Variants in DNAAF11 observed in about 807,000 individuals in gnomAD.
DNAAF11 encodes the protein dynein axonemal assembly factor 11.
DNAAF11 carries 45 observed loss-of-function variants against 60.8 expected under a neutral mutation model. That is an observed-to-expected ratio of 0.74 (90% CI 0.58 to 0.95). DNAAF11 has a LOEUF of 0.95. DNAAF11 is among the 40% of genes least tolerant of loss of function. The pLI is 0.00. For synonymous variants in DNAAF11, 191 were observed against 183.5 expected (o/e 1.04, Z -0.33); for missense variants, 546 against 546.2 (o/e 1.00, Z 0.00).
At position 132,661,578 on chromosome 8, in the gene DNAAF11, A is replaced by C. The variant is rs1824137924; in HGVS notation, c.60T>G (p.Ile20Met). 1 of 1,614,126 alleles carries C rather than the reference A, an allele frequency of 6.2e-7. No homozygotes were observed. Among genetic ancestry groups the C allele is most frequent in the Non-Finnish European group, 8.5e-7 (1 of 1,180,002 alleles). The change falls in exon 2 of 12, where the codon ATT becomes ATG. Residue 20 changes from isoleucine to methionine, a missense_variant. Coordinates refer to ENST00000620350, the MANE Select transcript of DNAAF11 (RefSeq NM_012472.6). ...GCAACGAGAGTTCCTCCAGGGAAAA[A>C]ATGACACAGTCGTTGTGTTCAGCAT... is the stretch of plus-strand genomic sequence containing the variant. ...RRNAEHNDCV[I>M]FSLEELSLHQ...
At chr8:132,590,187 G>T (rs1816317038) in intron 10 of DNAAF11, among the ~76,000 whole-genome samples, 1 of 152,160 alleles carries the variant, frequency 6.6e-6, no homozygotes, top group African/African-American at 2.4e-5. Flanking sequence ...TTCCACCTGG[G>T]CCTGGCCAAT....
chr8:132,625,521 CCTTT>C, intron 5 of DNAAF11, 67 bp from the exon 6 acceptor site: 1 of 1,145,228 alleles, frequency 8.7e-7, no homozygotes, highest in Non-Finnish European at 1.2e-6. Flanking sequence ...TAATGCTGGC[CCTTT>C]AATATCTATA....
intron 10 of DNAAF11, among the ~76,000 whole-genome samples, chr8:132,603,192 G>A (rs1483716208): frequency 6.6e-6 from 1 of 152,144 alleles, no homozygotes; most frequent in Non-Finnish European, 1.5e-5. Flanking sequence ...ATCTTCTTAA[G>A]TTCTCAGTGT....
chr8:132,588,603 T>C (rs931551256), intron 10 of DNAAF11, among the ~76,000 whole-genome samples: 4 of 152,172 alleles, frequency 2.6e-5, no homozygotes, highest in African/African-American at 9.7e-5. Flanking sequence ...TTGCTAGATA[T>C]ATGCATAGAC....
intron 3 of DNAAF11, among the ~76,000 whole-genome samples, chr8:132,651,386 T>C (rs976975436): frequency 2.6e-5 from 4 of 152,090 alleles, no homozygotes; most frequent in African/African-American, 9.7e-5. Context: ...TACCCCCATC[T>C]TCCTCCTCTG....
chr8:132,603,848 C>A (rs1413874994), intron 10 of DNAAF11, among the ~76,000 whole-genome samples: 1 of 152,060 alleles, frequency 6.6e-6, no homozygotes, highest in Non-Finnish European at 1.5e-5. Flanking sequence ...GAGCAGAGAA[C>A]TGCCAAAGGC....
chr8:132,654,698 C>CAAAA (rs34749688), intron 3 of DNAAF11, among the ~76,000 whole-genome samples: 6 of 133,990 alleles, frequency 4.5e-5, no homozygotes, highest in Admixed American at 1.5e-4. Flanking sequence ...AAAAAAATTG[C>CAAAA]AAAAAAAAAA....
chr8:132,652,517 A>G (rs570108808), intron 3 of DNAAF11, among the ~76,000 whole-genome samples: 45 of 152,196 alleles, frequency 3.0e-4, no homozygotes, highest in Non-Finnish European at 6.3e-4. Context: ...ATAAGAATAC[A>G]CACCACAGGA....
At chr8:132,626,340 C>G (rs1198835542) in intron 5 of DNAAF11, among the ~76,000 whole-genome samples, 3 of 152,136 alleles carry the variant, frequency 2.0e-5, no homozygotes, top group Admixed American at 6.5e-5. Context: ...CATGAGCCAC[C>G]GCACCCAGCC....
At position 132,583,871 on chromosome 8, in the gene DNAAF11, A is replaced by C. The variant is rs573574988; in HGVS notation, c.1141-92T>G. 4.6e-6 allele frequency: 4 copies of C among 869,386 alleles called. No individual in the cohort carries two copies. The South Asian group carries it at 5.9e-5, about 13-fold the overall frequency. 53.9% of individuals were successfully genotyped at this position (869,386 alleles called of 1,614,324 possible). On this transcript the variant is annotated intron_variant, in intron 10 of 11. Transcript: ENST00000620350. Reference sequence around the variant, plus strand: ...TATATGTATTTTAAAAGATACTAAAACATTTTAATTTTTTCTCTACATATT... The same window carrying C: ...TATATGTATTTTAAAAGATACTAAACCATTTTAATTTTTTCTCTACATATT...
chr8:132,699,931 C>T, the DNAAF11 span, among the ~76,000 whole-genome samples: 1 of 152,168 alleles, frequency 6.6e-6, no homozygotes, highest in African/African-American at 2.4e-5. Context: ...TGCCAGGGGC[C>T]AGGGAAGGGC....
upstream of DNAAF11, among the ~76,000 whole-genome samples, chr8:132,679,002 C>G (rs922493628): frequency 6.6e-6 from 1 of 152,114 alleles, no homozygotes; most frequent in African/African-American, 2.4e-5. Context: ...CTTTTAAGCA[C>G]TGTGCGCTCA....
At chr8:132,578,517 C>T (rs150538489) in intron 11 of DNAAF11, 3 of 1,516,542 alleles carry the variant, frequency 2.0e-6, no homozygotes, top group Middle Eastern at 1.7e-4. Flanking sequence ...AGTAGAATAG[C>T]TGGAAGACAA....
chr8:132,582,399 G>A (rs1366580428), intron 11 of DNAAF11, among the ~76,000 whole-genome samples: 2 of 152,118 alleles, frequency 1.3e-5, no homozygotes, highest in Admixed American at 6.5e-5. Context: ...AGTTTTCCTG[G>A]GGTCTGAAAA....
chr8:132,635,242 G>A (rs1477190042), intron 4 of DNAAF11, among the ~76,000 whole-genome samples: 3 of 152,132 alleles, frequency 2.0e-5, no homozygotes, highest in Admixed American at 2.0e-4. Flanking sequence ...TAAGCTGAGC[G>A]TTTCTTGATC....
intron 7 of DNAAF11, among the ~76,000 whole-genome samples, chr8:132,615,889 T>A (rs903306063): frequency 6.6e-6 from 1 of 152,156 alleles, no homozygotes; most frequent in Non-Finnish European, 1.5e-5. Context: ...TAAGCTAAAC[T>A]GTTTAGGAAA....
intron 11 of DNAAF11, among the ~76,000 whole-genome samples, chr8:132,580,150 TAAA>T (rs1815177633): frequency 6.6e-6 from 1 of 152,082 alleles, no homozygotes; most frequent in South Asian, 2.1e-4. Flanking sequence ...TTACTATGTT[TAAA>T]TAACATGTCT....
At chr8:132,578,442 A>T in intron 11 of DNAAF11, 2 of 1,520,962 alleles carry the variant, frequency 1.3e-6, no homozygotes, top group Non-Finnish European at 1.7e-6. Context: ...AGAGGCCTCT[A>T]GGACGGACGC....
At chr8:132,667,897 A>G (rs1357264590) in intron 1 of DNAAF11, among the ~76,000 whole-genome samples, 2 of 152,194 alleles carry the variant, frequency 1.3e-5, no homozygotes, top group East Asian at 1.9e-4. Flanking sequence ...GTTTGTTTCT[A>G]AAGTTTTTCA....
Sources: gnomAD v4.1 joint callset for allele counts (sites outside exome capture counted in the v4.1 genomes callset) on GRCh38, gnomAD v4.1.1 for gene constraint, MANE v1.5 for transcripts, NCBI Gene and HGNC (gene_info 2026-07-23, HGNC 2026-07-21) for gene names.